NOB1: variants seen among roughly 807,000 people sequenced by gnomAD.
NOB1 encodes the protein RNA-binding protein NOB1.
In NOB1, 44 loss-of-function variants were observed where a neutral mutation model predicts 44.8. That is an observed-to-expected ratio of 0.98 (90% CI 0.77 to 1.26). The LOEUF (loss-of-function observed/expected upper bound fraction) is 1.26. Ranked by LOEUF, NOB1 falls within the 50% of genes most tolerant of loss-of-function variation. The probability of loss-of-function intolerance (pLI) is 0.00; values close to 1 mark genes in which losing one functional copy is unlikely to be tolerated. For synonymous variants in NOB1, 238 were observed against 218.7 expected, an observed-to-expected ratio of 1.09 and a Z score of -0.78; for missense variants, 560 against 544.8, an observed-to-expected ratio of 1.03 and a Z score of -0.28.
chr16:69,749,176 T>C, intron 5 of NOB1, 37 bp downstream of exon 5: 9 of 1,613,232 alleles, frequency 5.6e-6, no homozygotes, highest in Non-Finnish European at 7.6e-6. Flanking sequence ...GAGGAGAAGT[T>C]GAGCTGTCGT....
At chr16:69,754,365 C>A (rs2038506766) in intron 2 of NOB1, among the ~76,000 whole-genome samples, 1 of 152,190 alleles carries the variant, frequency 6.6e-6, no homozygotes, top group African/African-American at 2.4e-5. Context: ...TCCCATTTTG[C>A]GGATGAGGTA....
chr16:69,750,313 G>C (rs762942986), intron 3 of NOB1, among the ~76,000 whole-genome samples: 1 of 151,878 alleles, frequency 6.6e-6, no homozygotes, highest in Admixed American at 6.6e-5. Flanking sequence ...CTGACATCCA[G>C]TGTTTTAAAA....
At chr16:69,747,820 A>C (rs2038445822) in intron 7 of NOB1, among the ~76,000 whole-genome samples, 1 of 152,100 alleles carries the variant, frequency 6.6e-6, no homozygotes, top group Admixed American at 6.6e-5. Flanking sequence ...AGGTGGAAGA[A>C]ACACACATAA....
At chr16:69,746,147 T>C (rs1011210840) in intron 7 of NOB1, among the ~76,000 whole-genome samples, 2 of 152,230 alleles carry the variant, frequency 1.3e-5, no homozygotes, top group Non-Finnish European at 2.9e-5. Flanking sequence ...TGCTGGGTTA[T>C]GCTCAGGACT....
chr16:69,752,402 G>C, intron 2 of NOB1, 31 bp from the exon 3 acceptor site: 1 of 1,600,508 alleles, frequency 6.2e-7, no homozygotes, highest in Non-Finnish European at 8.6e-7. Context: ...TCTTCAGTTA[G>C]AGGTAAAAAG....
intron 4 of NOB1, 102 bp from the exon 5 acceptor site, chr16:69,749,440 G>A: frequency 6.5e-7 from 1 of 1,549,874 alleles, no homozygotes; most frequent in Non-Finnish European, 8.8e-7. Context: ...GATCAGACAG[G>A]GCTGGACAAA....
rs779460417 is a variant in NOB1 at position 69,749,609 on chromosome 16, G to A, written c.349C>T (p.Gln117Ter). Residue 117 changes from glutamine to a stop codon, truncating the protein, a stop_gained, in exon 4 of 9, where the codon CAG (glutamine) becomes TAG (stop). Coordinates refer to ENST00000268802, the MANE Select transcript of NOB1 (RefSeq NM_014062.3). LOFTEE classifies it high-confidence loss of function. ...PQKVKVSSSI[Q>*]HPETPLHISG... ...ATGTGCAGAGGTGTTTCTGGGTGCT[G>A]AATCGATGAGCTCACCTTAACCTTT... 1 of 1,613,006 alleles carries A rather than the reference G, an allele frequency of 6.2e-7. No homozygotes were observed. The highest frequency in any genetic ancestry group is 8.5e-7 in the Non-Finnish European group (1 of 1,179,616).
Position 69,754,590 on chromosome 16 carries a change from T to C in NOB1, c.196+4A>G, listed in dbSNP as rs1056154843. ...CCCGTCAACGCTAGGGCAGAGGCAC[T>C]CACCCAGCCGCACGTATTCCGGTAA... On this transcript the variant is annotated splice_donor_region_variant and intron_variant, in intron 2 of 8. Coordinates refer to ENST00000268802, the MANE Select transcript of NOB1 (RefSeq NM_014062.3). 1.9e-6 allele frequency: 3 copies of C among 1,613,966 alleles called. No homozygotes were observed. In the Admixed American group the frequency reaches 5.0e-5, roughly 27 times the overall value.
At position 69,749,233 on chromosome 16, in the gene NOB1, G is replaced by A. The variant is rs1489726256; in HGVS notation, c.505C>T (p.His169Tyr). The part of the protein sequence containing the change: ...FWRNPLPNID[H>Y]ELQELLIDRG... ...CTCACCAGCAGCTCCTGCAGTTCAT[G>A]ATCGATGTTGGGCAAAGGGTTTCTC... The change falls in exon 5 of 9, where the codon CAT becomes TAT. Residue 169 changes from histidine to tyrosine, a missense_variant. His to Tyr is a moderately conservative substitution (Grantham distance 83). Coordinates refer to ENST00000268802, the MANE Select transcript of NOB1 (RefSeq NM_014062.3). The A allele has an allele frequency of 6.2e-7, 1 of 1,613,416 alleles. No individual in the cohort carries two copies.
chr16:69,745,596 T>C (rs1481255369), intron 7 of NOB1, among the ~76,000 whole-genome samples: 2 of 152,224 alleles, frequency 1.3e-5, no homozygotes, highest in African/African-American at 4.8e-5. Flanking sequence ...CTGCTGTGGC[T>C]GAACTAAGCC....
Position 69,744,907 on chromosome 16 carries a change from C to T in NOB1, c.935G>A (p.Arg312His), listed in dbSNP as rs143009356. ...GCGGGGGTTCAGCACCTTGGGGTTG[C>T]GGGAGAAGTGCATGTGCAGGGTGCC... is the stretch of plus-strand genomic sequence containing the variant. ...DDGTLHMHFS[R>H]NPKVLNPRGL... is the part of the protein sequence containing the mutation. Residue 312 changes from arginine to histidine, a missense_variant, in exon 8 of 9, where the codon CGC becomes CAC. By Grantham distance (29) the Arg-to-His change is conservative. Coordinates refer to ENST00000268802, the MANE Select transcript of NOB1 (RefSeq NM_014062.3). 4.3e-5 allele frequency: 69 copies of T among 1,613,810 alleles called. No individual in the cohort carries two copies. The East Asian group carries it at 1.2e-3, about 29-fold the overall frequency.
rs200973241 is a variant in NOB1 at position 69,742,568 on chromosome 16, C to T, written c.1003G>A (p.Ala335Thr). ...TCCTCGGTGAGATGGGGGTTGATGG[C>T]GTATTTGCCCCCTTTGGGAGTGGGA... ...SLPTPKGGKYAINPHLTEDQR... is the reference protein window; with the variant it reads ...SLPTPKGGKYTINPHLTEDQR... The change falls in exon 9 of 9, where the codon GCC (alanine) becomes ACC (threonine). Residue 335 changes from alanine to threonine, a missense_variant. By Grantham distance (58) the Ala-to-Thr change is moderately conservative (BLOSUM62 0). Transcript: ENST00000268802. 2.0e-5 allele frequency: 33 copies of T among 1,614,020 alleles called. No individual in the cohort carries two copies. The Admixed American group carries it at 3.5e-4, about 17-fold the overall frequency.
In NOB1 at chr16:69,750,089, C is replaced by T. The variant is rs148882981; in HGVS notation, c.328-459G>A. On this transcript the variant is annotated intron_variant, in intron 3 of 8. Transcript: ENST00000268802. ...CCTTGGCTCACTGCAACCTAACCTC[C>T]GACTCCCAGGTTCAAGCGATTCTCA... Among the ~76,000 whole-genome samples, 46 of 150,104 alleles carry T rather than the reference C, an allele frequency of 3.1e-4. 1 individual carries two copies. The East Asian group carries it at 8.3e-3, about 27-fold the overall frequency.
At chr16:69,754,493 A>C in intron 2 of NOB1, 101 bp downstream of exon 2, 1 of 1,476,180 alleles carries the variant, frequency 6.8e-7, no homozygotes, top group Non-Finnish European at 9.2e-7. Flanking sequence ...CTCTAAATCT[A>C]CTGCTCTGAT....
At chr16:69,744,101 A>G (rs1023771691) in intron 8 of NOB1, among the ~76,000 whole-genome samples, 8 of 152,158 alleles carry the variant, frequency 5.3e-5, no homozygotes, top group Non-Finnish European at 1.0e-4. Flanking sequence ...GAGGTGGGCG[A>G]ATCACCTGAG....
At chr16:69,742,688 A>C in intron 8 of NOB1, 87 bp from the exon 9 acceptor site, 2 of 1,391,704 alleles carry the variant, frequency 1.4e-6, no homozygotes, top group Non-Finnish European at 2.0e-6. Context: ...CCGACCTTGC[A>C]GATCCTGGTG....
At chr16:69,742,747 G>GT in intron 8 of NOB1, 146 bp from the exon 9 acceptor site, 1 of 768,768 alleles carries the variant, frequency 1.3e-6, no homozygotes, top group South Asian at 1.8e-5. Flanking sequence ...TGTGCTACGT[G>GT]TGACATGCCG....
intron 2 of NOB1, among the ~76,000 whole-genome samples, chr16:69,752,917 A>T (rs1597618611): frequency 6.6e-6 from 1 of 151,880 alleles, no homozygotes; most frequent in Non-Finnish European, 1.5e-5. Context: ...CCTGGGCGAC[A>T]GAGTGAGACT....
Position 69,752,349 on chromosome 16 carries a change from T to C in NOB1, c.219A>G (p.Thr73=). ...VRLVTEFSKK[T]GDYPSLSATD... ...TGGCAGAGAGGCTGGGGTAGTCTCC[T>C]GTTTTCTTTGAAAACTCAGTCACTG... is the stretch of plus-strand genomic sequence containing the variant. Residue 73 remains threonine (T), a synonymous_variant, in exon 3 of 9, where the codon ACA becomes ACG. Transcript: ENST00000268802. The C allele has an allele frequency of 6.2e-7, 1 of 1,613,310 alleles. No homozygotes were observed. The highest frequency in any genetic ancestry group is 8.5e-7 in the Non-Finnish European group (1 of 1,179,270).
Sources: allele counts gnomAD v4.1 joint callset (sites outside exome capture counted in the v4.1 genomes callset), GRCh38; gene constraint gnomAD v4.1.1; transcripts MANE v1.5; gene names NCBI Gene and HGNC (gene_info 2026-07-23, HGNC 2026-07-21).